Variants in XPNPEP1 observed in about 807,000 individuals in gnomAD.
The protein encoded by XPNPEP1 is X-prolyl aminopeptidase 1, also known as xaa-Pro aminopeptidase 1.
A neutral mutation model predicts 92.4 loss-of-function variants in XPNPEP1; 39 were observed. That is an observed-to-expected ratio of 0.42 (90% CI 0.33 to 0.55). The LOEUF is 0.55. Among genes scored for constraint, XPNPEP1 ranks in the 20% least tolerant of loss-of-function variants. The probability of loss-of-function intolerance (pLI) is 0.08; values close to 1 mark genes in which losing one functional copy is unlikely to be tolerated. For synonymous variants in XPNPEP1, 307 were observed against 299.4 expected (o/e 1.03, Z -0.26); for missense variants, 654 against 856.1 (o/e 0.76, Z 2.95).
At chr10:109,909,568 T>C (rs1368185648) in intron 2 of XPNPEP1, among the ~76,000 whole-genome samples, 1 of 152,200 alleles carries the variant, frequency 6.6e-6, no homozygotes, top group Non-Finnish European at 1.5e-5. Context: ...ACCACTTTAG[T>C]TGGTTCTTCA....
intron 1 of XPNPEP1, among the ~76,000 whole-genome samples, chr10:109,918,683 C>T (rs750068445): frequency 6.6e-6 from 1 of 151,900 alleles, no homozygotes; most frequent in Non-Finnish European, 1.5e-5. Context: ...ATGGTGTGAA[C>T]CCAGGAGGGG....
chr10:109,917,553 C>A (rs1443557306), intron 1 of XPNPEP1, among the ~76,000 whole-genome samples: 2 of 152,148 alleles, frequency 1.3e-5, no homozygotes, highest in Non-Finnish European at 2.9e-5. Context: ...CAGTAATTCC[C>A]AAATTGATCT....
At position 109,877,853 on chromosome 10, in the gene XPNPEP1, A is replaced by T; in HGVS notation, c.1256T>A (p.Phe419Tyr). Reference sequence around the variant, plus strand: ...AATTGTTGGGAAGCTCAGGTCCACAAAGTCTGCCTGTTGCCTGTAACAGAA... The same window carrying T: ...AATTGTTGGGAAGCTCAGGTCCACATAGTCTGCCTGTTGCCTGTAACAGAA... Reference protein sequence around the residue: ...AEEFRRQQADFVDLSFPTISS... With the variant: ...AEEFRRQQADYVDLSFPTISS... The change falls in exon 14 of 21, where the codon TTT becomes TAT. Residue 419 changes from phenylalanine to tyrosine, a missense_variant. Physicochemically the swap from Phe to Tyr is conservative, Grantham distance 22. Transcript: ENST00000502935. 6.2e-7 allele frequency: 1 copy of T among 1,614,228 alleles called. No homozygotes were observed. The highest frequency in any genetic ancestry group is 8.5e-7 in the Non-Finnish European group (1 of 1,180,048).
At chr10:109,901,731 C>CAGA (rs1849297699) in intron 3 of XPNPEP1, among the ~76,000 whole-genome samples, 1 of 152,216 alleles carries the variant, frequency 6.6e-6, no homozygotes, top group Admixed American at 6.5e-5. Context: ...TACTGGAAAA[C>CAGA]TTCTAAGTAT....
intron 12 of XPNPEP1, 113 bp downstream of exon 12, chr10:109,880,075 G>A (rs1848005809): frequency 3.9e-6 from 4 of 1,024,324 alleles, no homozygotes; most frequent in Non-Finnish European, 5.7e-6. Flanking sequence ...AAAATTTGAT[G>A]AAGATCTCAG....
At chr10:109,877,960 T>C in intron 13 of XPNPEP1, 40 bp downstream of exon 13, 1 of 1,614,100 alleles carries the variant, frequency 6.2e-7, no homozygotes, top group Non-Finnish European at 8.5e-7. Context: ...AGCAAGAAAA[T>C]CAGCACGAGG....
At chr10:109,874,091 T>C (rs1012492611) in intron 15 of XPNPEP1, among the ~76,000 whole-genome samples, 4 of 152,286 alleles carry the variant, frequency 2.6e-5, no homozygotes, top group African/African-American at 7.2e-5. Flanking sequence ...ATAAAAAAAA[T>C]TAATTGTATA....
At chr10:109,898,148 G>T (rs528402217) in intron 3 of XPNPEP1, among the ~76,000 whole-genome samples, 1 of 152,322 alleles carries the variant, frequency 6.6e-6, no homozygotes, top group African/African-American at 2.4e-5. Context: ...CCAGCAGTTA[G>T]AACTCTGTTC....
chr10:109,892,992 G>A lies in XPNPEP1; in HGVS notation c.310+20C>T. The stretch of plus-strand genomic sequence containing the variant: ...GGCGAACAAAGGTGCAGCAAGAACA[G>A]AGAAAAAGTAGTGACTCACCCGCAG... On this transcript the variant is annotated intron_variant, in intron 4 of 20. Coordinates refer to ENST00000502935, the MANE Select transcript of XPNPEP1 (RefSeq NM_020383.4). The A allele has an allele frequency of 1.2e-6, 2 of 1,612,484 alleles. No homozygotes were observed. The highest frequency in any genetic ancestry group is 1.7e-6 in the Non-Finnish European group (2 of 1,179,118).
intron 2 of XPNPEP1, among the ~76,000 whole-genome samples, chr10:109,911,841 C>T (rs1849892556): frequency 6.6e-6 from 1 of 152,158 alleles, no homozygotes; most frequent in African/African-American, 2.4e-5. Flanking sequence ...ATAGACTCTG[C>T]CTTCCATTCA....
intron 15 of XPNPEP1, 159 bp from the exon 16 acceptor site, chr10:109,873,586 G>C (rs931823884): frequency 5.5e-6 from 4 of 721,438 alleles, no homozygotes; most frequent in Non-Finnish European, 9.3e-6. Context: ...TCCTTAAAAG[G>C]TTAAATATAG....
At chr10:109,900,420 T>A (rs185120186) in intron 3 of XPNPEP1, among the ~76,000 whole-genome samples, 3 of 152,126 alleles carry the variant, frequency 2.0e-5, no homozygotes, top group Admixed American at 2.0e-4. Flanking sequence ...ACAGCAAGGA[T>A]CCAGAGTCCC....
chr10:109,889,963 A>C (rs1474728313), intron 5 of XPNPEP1, among the ~76,000 whole-genome samples: 2 of 152,120 alleles, frequency 1.3e-5, no homozygotes, highest in Non-Finnish European at 2.9e-5. Context: ...TTATTAATAC[A>C]GTTTCTCCTA....
At chr10:109,914,075 T>G (rs1352022743) in intron 2 of XPNPEP1, among the ~76,000 whole-genome samples, 1 of 124,264 alleles carries the variant, frequency 8.0e-6, no homozygotes, top group Non-Finnish European at 1.6e-5. Flanking sequence ...AGATCAATTT[T>G]TCAGTCAGCT....
intron 2 of XPNPEP1, among the ~76,000 whole-genome samples, chr10:109,909,183 A>G (rs1214515432): frequency 6.6e-6 from 1 of 152,148 alleles, no homozygotes; most frequent in Non-Finnish European, 1.5e-5. Context: ...AGGCAGGAGA[A>G]TGGCGTGAAC....
intron 20 of XPNPEP1, among the ~76,000 whole-genome samples, chr10:109,865,619 T>C (rs1017162619): frequency 6.6e-6 from 1 of 152,178 alleles, no homozygotes; most frequent in African/African-American, 2.4e-5. Flanking sequence ...ACCTGAGCCA[T>C]CCTGGGAGGT....
At chr10:109,881,249 T>TA (rs1263123435) in intron 10 of XPNPEP1, among the ~76,000 whole-genome samples, 2 of 152,212 alleles carry the variant, frequency 1.3e-5, no homozygotes, top group Non-Finnish European at 2.9e-5. Flanking sequence ...TGGTTGTGGT[T>TA]AGAGTTCACT....
intron 2 of XPNPEP1, among the ~76,000 whole-genome samples, chr10:109,909,651 T>C (rs1449785249): frequency 6.6e-6 from 1 of 152,206 alleles, no homozygotes; most frequent in African/African-American, 2.4e-5. Flanking sequence ...GTCCTATGTC[T>C]ACATAACAAA....
rs1847042447 is a variant in XPNPEP1 at position 109,864,816 on chromosome 10, T to C, written c.*368A>G. The C allele has an allele frequency of 7.3e-6, 2 of 274,602 alleles. No individual in the cohort carries two copies. The highest frequency in any genetic ancestry group is 1.4e-5 in the Non-Finnish European group (2 of 139,640). The allele number at this position is 274,602 out of a possible 1,614,324, so 17.0% of individuals were successfully genotyped here. A position where few individuals can be genotyped will look rare whatever the true frequency, so the allele number is the denominator to read the frequency against. ...GATCATAAATATAGTCTCATGAGCA[T>C]TAAGGTGATCATGAATGATGTACTA... On this transcript the variant is annotated 3_prime_UTR_variant, in exon 21 of 21. Coordinates refer to ENST00000502935, the MANE Select transcript of XPNPEP1 (RefSeq NM_020383.4).
Sources: gnomAD v4.1 joint callset for allele counts (sites outside exome capture counted in the v4.1 genomes callset) on GRCh38, gnomAD v4.1.1 for gene constraint, MANE v1.5 for transcripts, NCBI Gene and HGNC (gene_info 2026-07-23, HGNC 2026-07-21) for gene names.